CSMD1: variants seen among roughly 807,000 people sequenced by gnomAD.
CSMD1 encodes CUB and Sushi multiple domains 1.
CSMD1 carries 213 observed loss-of-function variants against 417.5 expected under a neutral mutation model. The observed-to-expected ratio is 0.51, with a 90% CI of 0.46 to 0.57. CSMD1 has a LOEUF of 0.57. Ranked by LOEUF, CSMD1 falls within the 20% of genes least tolerant of loss-of-function variation. The pLI is 0.00. For missense variants in CSMD1, 6,923 were observed against 4,529.7 expected, an observed-to-expected ratio of 1.53 and a Z score of -15.17; for synonymous variants, 2,862 against 1,736.8, an observed-to-expected ratio of 1.65 and a Z score of -16.11.
intron 7 of CSMD1, among the ~76,000 whole-genome samples, chr8:3,668,281 T>C: frequency 6.6e-6 from 1 of 152,128 alleles, no homozygotes; most frequent in African/African-American, 2.4e-5. Flanking sequence ...AAGATGGCCC[T>C]GTGTAAAGGA....
chr8:3,657,875 C>T (rs1383256378), intron 7 of CSMD1, among the ~76,000 whole-genome samples: 3 of 152,080 alleles, frequency 2.0e-5, no homozygotes, highest in Non-Finnish European at 4.4e-5. Flanking sequence ...AAACAAAAAT[C>T]CTCTTGAAAC....
intron 27 of CSMD1, among the ~76,000 whole-genome samples, chr8:3,225,710 A>C (rs116406054): frequency 1.3e-5 from 2 of 151,922 alleles, no homozygotes; most frequent in African/African-American, 4.8e-5. Flanking sequence ...TCTTATTCAC[A>C]CTGATCCCAG....
chr8:4,271,569 A>AC (rs1328867018), intron 3 of CSMD1, among the ~76,000 whole-genome samples: 1 of 151,900 alleles, frequency 6.6e-6, no homozygotes, highest in African/African-American at 2.4e-5. Flanking sequence ...TTCAAAAGAG[A>AC]GAAAAAAAAA....
intron 42 of CSMD1, among the ~76,000 whole-genome samples, chr8:3,111,512 A>G (rs1471650396): frequency 6.6e-6 from 1 of 152,076 alleles, no homozygotes; most frequent in Non-Finnish European, 1.5e-5. Context: ...AGGGTCTGCG[A>G]TACTCCTGAA....
intron 6 of CSMD1, among the ~76,000 whole-genome samples, chr8:3,752,668 C>G (rs1445863309): frequency 7.7e-6 from 1 of 129,770 alleles, no homozygotes; most frequent in Non-Finnish European, 1.6e-5. Flanking sequence ...CACCCACTCC[C>G]CGCCTGGCAA....
At chr8:4,039,159 A>T (rs919776980) in intron 3 of CSMD1, among the ~76,000 whole-genome samples, 1 of 152,226 alleles carries the variant, frequency 6.6e-6, no homozygotes, top group Non-Finnish European at 1.5e-5. Context: ...GTGTACAATC[A>T]GTGGAATTTC....
intron 3 of CSMD1, among the ~76,000 whole-genome samples, chr8:4,232,054 G>A (rs1235641997): frequency 2.0e-5 from 3 of 152,212 alleles, no homozygotes; most frequent in Non-Finnish European, 4.4e-5. Context: ...ACTATGAGGT[G>A]TTAGAAGAGC....
intron 5 of CSMD1, 65 bp from the exon 6 acceptor site, chr8:3,754,107 A>G (rs898561975): frequency 2.0e-6 from 2 of 1,005,742 alleles, no homozygotes; most frequent in African/African-American, 3.2e-5. Context: ...CCTATATCAA[A>G]CCCGCTTTGA....
At chr8:4,389,796 C>T (rs1192841093) in intron 3 of CSMD1, among the ~76,000 whole-genome samples, 2 of 151,990 alleles carry the variant, frequency 1.3e-5, no homozygotes, top group African/African-American at 2.4e-5. Context: ...AAATGTAAAG[C>T]CTTACAACTA....
intron 4 of CSMD1, among the ~76,000 whole-genome samples, chr8:4,019,832 G>C (rs1240592163): frequency 2.7e-5 from 4 of 150,370 alleles, no homozygotes; most frequent in African/African-American, 7.4e-5. Flanking sequence ...AGGCACTCTT[G>C]TCCTTTTTCC....
intron 6 of CSMD1, among the ~76,000 whole-genome samples, chr8:3,719,899 C>T: frequency 6.6e-6 from 1 of 152,110 alleles, no homozygotes; most frequent in East Asian, 1.9e-4. Context: ...AGAGATGTCA[C>T]CTTGCCAGGT....
At chr8:4,313,160 T>C (rs1798725809) in intron 3 of CSMD1, among the ~76,000 whole-genome samples, 1 of 152,212 alleles carries the variant, frequency 6.6e-6, no homozygotes, top group South Asian at 2.1e-4. Context: ...TGGTCTTTAA[T>C]TTCTAATCTA....
intron 1 of CSMD1, among the ~76,000 whole-genome samples, chr8:4,766,043 G>C (rs951554734): frequency 3.3e-5 from 5 of 152,098 alleles, no homozygotes; most frequent in African/African-American, 7.2e-5. Context: ...ATAAATGTTT[G>C]GAAACTATGT....
chr8:4,181,795 T>G (rs1394482785), intron 3 of CSMD1, among the ~76,000 whole-genome samples: 2 of 152,184 alleles, frequency 1.3e-5, no homozygotes, highest in East Asian at 1.9e-4. Context: ...TTTAGGTGAC[T>G]AATTGACTAT....
intron 1 of CSMD1, among the ~76,000 whole-genome samples, chr8:4,660,178 C>G (rs546546863): frequency 6.6e-6 from 1 of 150,526 alleles, no homozygotes; most frequent in African/African-American, 2.4e-5. Context: ...ATAAAACTGT[C>G]CATATTTAAA....
intron 40 of CSMD1, among the ~76,000 whole-genome samples, chr8:3,148,785 A>G (rs1819008551): frequency 6.6e-6 from 1 of 152,348 alleles, no homozygotes; most frequent in South Asian, 2.1e-4. Flanking sequence ...TAGAGGACAC[A>G]TCGCCACTCA....
At chr8:3,634,739 T>C (rs1041389386) in intron 7 of CSMD1, among the ~76,000 whole-genome samples, 5 of 152,164 alleles carry the variant, frequency 3.3e-5, no homozygotes, top group East Asian at 1.9e-4. Flanking sequence ...GATTGAGCCA[T>C]GATTAAGGCA....
At chr8:3,113,386 G>C (rs1585383276) in intron 42 of CSMD1, 2 of 152,408 alleles carry the variant, frequency 1.3e-5, no homozygotes, top group African/African-American at 4.8e-5. Context: ...ACGTGGGAGA[G>C]AGCGTTGCTG....
chr8:3,773,391 G>C (rs1002717579), intron 5 of CSMD1, among the ~76,000 whole-genome samples: 3 of 152,044 alleles, frequency 2.0e-5, no homozygotes, highest in Non-Finnish European at 2.9e-5. Flanking sequence ...GGCTCAAGTG[G>C]TTCTCCCACC....
Sources: gnomAD v4.1 joint callset for allele counts (sites outside exome capture counted in the v4.1 genomes callset) on GRCh38, gnomAD v4.1.1 for gene constraint, MANE v1.5 for transcripts, NCBI Gene and HGNC (gene_info 2026-07-23, HGNC 2026-07-21) for gene names.